The following LILRA2 variants were observed in gnomAD, a reference collection of about 807,000 sequenced individuals.
The protein encoded by LILRA2 is leukocyte immunoglobulin-like receptor subfamily A member 2.
In LILRA2, 45 loss-of-function variants were observed where a neutral mutation model predicts 47.9. The ratio of observed to expected loss-of-function variants is 0.94; its 90% confidence interval spans 0.74 to 1.20. The LOEUF (loss-of-function observed/expected upper bound fraction) is 1.20, where lower values mean the gene tolerates loss of function less well. LILRA2 is among the 50% of genes most tolerant of loss of function. The pLI is 0.00. For missense variants in LILRA2, 651 were observed against 598.2 expected, an observed-to-expected ratio of 1.09 and a Z score of -0.92; for synonymous variants, 279 against 249.2, an observed-to-expected ratio of 1.12 and a Z score of -1.13.
At chr19:54,575,780 C>A in intron 5 of LILRA2, 27 bp from the exon 6 acceptor site, 1 of 1,611,904 alleles carries the variant, frequency 6.2e-7, no homozygotes, top group South Asian at 1.1e-5. Context: ...GGTGGGGCAG[C>A]CCCTCACCCA....
chr19:54,584,774 A>G (rs1019820829), intron 6 of LILRA2, among the ~76,000 whole-genome samples: 2 of 152,154 alleles, frequency 1.3e-5, no homozygotes, highest in Non-Finnish European at 2.9e-5. Context: ...ACCTACTTCC[A>G]TCAACTTGTC....
intron 6 of LILRA2, among the ~76,000 whole-genome samples, chr19:54,582,100 C>T (rs1265211614): frequency 1.3e-5 from 2 of 152,106 alleles, no homozygotes; most frequent in African/African-American, 4.8e-5. Context: ...TATGTTGAAC[C>T]AGCCTTGCAT....
chr19:54,578,458 T>A (rs1480327603), intron 6 of LILRA2, among the ~76,000 whole-genome samples: 1 of 152,224 alleles, frequency 6.6e-6, no homozygotes, highest in East Asian at 1.9e-4. Flanking sequence ...CATGAACTCA[T>A]CCTTTTTAAC....
At position 54,587,337 on chromosome 19, in the gene LILRA2, C is replaced by T. The variant is rs201934517; in HGVS notation, c.1443C>T (p.Ala481=). ...QHSQRSLQDA[A]GR ...GCCAGAGAAGCCTACAAGATGCAGCCGGGAGGTGAACAGCAGAGAGGACAA... is the reference window on the plus strand; with the variant it reads ...GCCAGAGAAGCCTACAAGATGCAGCTGGGAGGTGAACAGCAGAGAGGACAA... The change falls in exon 8 of 8, where the codon GCC becomes GCT. Residue 481 remains alanine (A), a synonymous_variant. Transcript: ENST00000391738. 9.3e-6 allele frequency: 15 copies of T among 1,614,084 alleles called. No homozygotes were observed. The highest frequency in any genetic ancestry group is 5.3e-5 in the African/African-American group (4 of 74,980).
chr19:54,587,826 C>T lies in LILRA2; in HGVS notation c.*480C>T, dbSNP rs1167757959. The T allele has an allele frequency of 6.0e-6, 1 of 166,348 alleles. No homozygotes were observed. The highest frequency in any genetic ancestry group is 1.3e-5 in the Non-Finnish European group (1 of 75,900). 10.3% of individuals were successfully genotyped at this position (166,348 alleles called of 1,614,324 possible). ...CCAACCAGGAAAACATAAATCCACC[C>T]TGCTGCCCTGACACCCTCTCTGTAC... On this transcript the variant is annotated 3_prime_UTR_variant, in exon 8 of 8. Coordinates refer to ENST00000391738, the MANE Select transcript of LILRA2 (RefSeq NM_001130917.3).
chr19:54,585,050 T>G (rs1274885540), intron 6 of LILRA2, among the ~76,000 whole-genome samples: 1 of 152,224 alleles, frequency 6.6e-6, no homozygotes, highest in Non-Finnish European at 1.5e-5. Context: ...GCAGGTCTGT[T>G]GGTGTTTGCT....
chr19:54,578,098 T>A (rs1176938901), intron 6 of LILRA2, among the ~76,000 whole-genome samples: 1 of 151,088 alleles, frequency 6.6e-6, no homozygotes, highest in Non-Finnish European at 1.5e-5. Context: ...TAACAATTGA[T>A]AAGTGAGGTA....
At position 54,587,855 on chromosome 19, in the gene LILRA2, A is replaced by G. The variant is rs191977125; in HGVS notation, c.*509A>G. On this transcript the variant is annotated 3_prime_UTR_variant, in exon 8 of 8. Transcript: ENST00000391738. Reference sequence around the variant, plus strand: ...TGCCCTGACACCCTCTCTGTACCTTATGAGCCCTTCCCTCTTTCTCAGATG... The same window carrying G: ...TGCCCTGACACCCTCTCTGTACCTTGTGAGCCCTTCCCTCTTTCTCAGATG... 4.3e-3 allele frequency: 681 copies of G among 158,340 alleles called. No individual in the cohort carries two copies. The South Asian group carries it at 0.076, about 18-fold the overall frequency. The allele number at this position is 158,340 out of a possible 1,614,324, so 9.8% of individuals were successfully genotyped here.
rs2062900182 is a variant in LILRA2 at position 54,590,037 on chromosome 19, G to A, written c.*2691G>A. 6.6e-6 allele frequency: 1 copy of A among 151,560 alleles called. No individual in the cohort carries two copies. Among genetic ancestry groups the A allele is most frequent in the South Asian group, 2.2e-4 (1 of 4,466 alleles). 9.4% of individuals were successfully genotyped at this position (151,560 alleles called of 1,614,324 possible). A position where few individuals can be genotyped will look rare whatever the true frequency, so the allele number is the denominator to read the frequency against. On this transcript the variant is annotated 3_prime_UTR_variant, in exon 8 of 8. Coordinates refer to ENST00000391738, the MANE Select transcript of LILRA2 (RefSeq NM_001130917.3). Reference sequence around the variant, plus strand: ...GCTCTATCATAGTTAAGACATTAATGTTATTTATGAATTTGTGCACATTAA... The same window carrying A: ...GCTCTATCATAGTTAAGACATTAATATTATTTATGAATTTGTGCACATTAA...
chr19:54,574,215 G>C, intron 2 of LILRA2, 86 bp from the exon 3 acceptor site: 3 of 1,614,100 alleles, frequency 1.9e-6, no homozygotes, highest in East Asian at 2.2e-5. Flanking sequence ...GCTGACTGAT[G>C]GGGGTGTCTG....
At position 54,586,722 on chromosome 19, in the gene LILRA2, T is replaced by C. The variant is rs764589512; in HGVS notation, c.1256-288T>C. Among the ~76,000 whole-genome samples the C allele has an allele frequency of 3.6e-3, 554 of 152,100 alleles. No homozygotes were observed. In the South Asian group the frequency reaches 0.072, roughly 20 times the overall value. On this transcript the variant is annotated intron_variant, in intron 6 of 7. Coordinates refer to ENST00000391738, the MANE Select transcript of LILRA2 (RefSeq NM_001130917.3). ...GGTCCCAGGCTGCACAGAGAGCACA[T>C]AAGGTCCTGGTTATTTCTGTATTGG... is the stretch of plus-strand genomic sequence containing the variant.
intron 6 of LILRA2, among the ~76,000 whole-genome samples, chr19:54,582,276 G>A (rs2062664168): frequency 6.6e-6 from 1 of 152,210 alleles, no homozygotes; most frequent in African/African-American, 2.4e-5. Context: ...GTATCAGGAT[G>A]ATGCTAGCCT....
At chr19:54,577,531 A>G (rs1271531340) in intron 6 of LILRA2, 1 of 1,289,524 alleles carries the variant, frequency 7.8e-7, no homozygotes, top group Non-Finnish European at 1.0e-6. Context: ...ACAAGAGAGG[A>G]GGCTGCTTGG....
chr19:54,587,598 TC>T lies in LILRA2; in HGVS notation c.*256del. On this transcript the variant is annotated 3_prime_UTR_variant, in exon 8 of 8. Coordinates refer to ENST00000391738, the MANE Select transcript of LILRA2 (RefSeq NM_001130917.3). Reference sequence around the variant, plus strand: ...TTGACTGGATCCCCTTTTTTTCCCATCCCCAGACATGAGGCTCCATCCCACA... The same window carrying T: ...TTGACTGGATCCCCTTTTTTTCCCATCCCAGACATGAGGCTCCATCCCACA... 1 of 623,308 alleles carries T rather than the reference TC, an allele frequency of 1.6e-6. No individual in the cohort carries two copies. The highest frequency in any genetic ancestry group is 2.7e-6 in the Non-Finnish European group (1 of 372,990). 38.6% of individuals were successfully genotyped at this position (623,308 alleles called of 1,614,324 possible).
intron 6 of LILRA2, among the ~76,000 whole-genome samples, chr19:54,585,349 G>A (rs1224403415): frequency 1.3e-5 from 2 of 152,212 alleles, no homozygotes; most frequent in Non-Finnish European, 2.9e-5. Flanking sequence ...GTCTGCAGAA[G>A]CTACCTGCTG....
At position 54,574,478 on chromosome 19, in the gene LILRA2, C is replaced by T. The variant is rs1260251290; in HGVS notation, c.248C>T (p.Pro83Leu). Residue 83 changes from proline (P) to leucine (L), a missense_variant, in exon 3 of 8, where the codon CCC becomes CTC. Pro to Leu is a moderately conservative substitution (Grantham distance 98, BLOSUM62 -3). Transcript: ENST00000391738. ...GAGCCTGGGAAGAATGGCCAGTTCC[C>T]CATCCCATCCATCACCTGGGAACAC... ...IQEPGKNGQF[P>L]IPSITWEHAG... is the part of the protein sequence containing the mutation. The T allele has an allele frequency of 1.2e-6, 2 of 1,613,992 alleles. No homozygotes were observed. Among genetic ancestry groups the T allele is most frequent in the Admixed American group, 1.7e-5 (1 of 60,008 alleles).
intron 6 of LILRA2, among the ~76,000 whole-genome samples, 160 bp downstream of exon 6, chr19:54,576,269 C>T (rs902955336): frequency 6.6e-6 from 1 of 151,116 alleles, no homozygotes; most frequent in East Asian, 2.0e-4. Flanking sequence ...GGACCTCCCA[C>T]CCCTGGCTCC....
At chr19:54,576,199 G>C in intron 6 of LILRA2, 90 bp downstream of exon 6, 1 of 1,584,372 alleles carries the variant, frequency 6.3e-7, no homozygotes, top group African/African-American at 1.3e-5. Context: ...TGAATGAGGG[G>C]AGTGAAGCGG....
chr19:54,587,516 T>G lies in LILRA2; in HGVS notation c.*170T>G, dbSNP rs1453006248. On this transcript the variant is annotated 3_prime_UTR_variant, in exon 8 of 8. Transcript: ENST00000391738. ...AGTGTAAGGAAACTGTCTGGGGTGA[T>G]TCCTAGAAGATCATTAAACTGTGGT... The G allele has an allele frequency of 2.7e-6, 3 of 1,108,510 alleles. No individual in the cohort carries two copies. Among genetic ancestry groups the G allele is most frequent in the Middle Eastern group, 2.4e-4 (1 of 4,180 alleles). The allele number at this position is 1,108,510 out of a possible 1,614,324, so 68.7% of individuals were successfully genotyped here.
Sources: gnomAD v4.1 joint callset for allele counts (sites outside exome capture counted in the v4.1 genomes callset) on GRCh38, gnomAD v4.1.1 for gene constraint, MANE v1.5 for transcripts, NCBI Gene and HGNC (gene_info 2026-07-23, HGNC 2026-07-21) for gene names.